The following FSTL4 variants were observed in gnomAD, a reference collection of about 807,000 sequenced individuals.
FSTL4 encodes the protein follistatin like 4, also known as follistatin-related protein 4.
In FSTL4, 28 loss-of-function variants were observed where a neutral mutation model predicts 78.2. The ratio of observed to expected loss-of-function variants is 0.36; its 90% CI spans 0.27 to 0.49. The LOEUF (loss-of-function observed/expected upper bound fraction) is 0.49, where lower values mean the gene tolerates loss of function less well. Ranked by LOEUF, FSTL4 falls within the 20% of genes least tolerant of loss-of-function variation. The pLI is 0.98. For synonymous variants in FSTL4, 422 were observed against 440.5 expected (o/e 0.96, Z 0.53); for missense variants, 922 against 1,084.9 (o/e 0.85, Z 2.11).
chr5:133,577,962 T>C (rs145001375), intron 2 of FSTL4, among the ~76,000 whole-genome samples: 2 of 152,296 alleles, frequency 1.3e-5, no homozygotes, highest in African/African-American at 4.8e-5. Flanking sequence ...GAAACAGAGA[T>C]AGCACAGCAA....
chr5:133,647,885 T>C, the FSTL4 span, among the ~76,000 whole-genome samples: 1 of 152,164 alleles, frequency 6.6e-6, no homozygotes, highest in East Asian at 1.9e-4. Flanking sequence ...TTCCCACGTG[T>C]TGTGGGAGGG....
At chr5:133,760,853 G>A in the FSTL4 span, among the ~76,000 whole-genome samples, 2 of 152,222 alleles carry the variant, frequency 1.3e-5, no homozygotes, top group Non-Finnish European at 2.9e-5. Flanking sequence ...TGGTGTGTTA[G>A]CAAACCAGAA....
chr5:133,329,299 C>A (rs56366126), intron 4 of FSTL4, among the ~76,000 whole-genome samples: 3 of 152,198 alleles, frequency 2.0e-5, no homozygotes, highest in East Asian at 3.9e-4. Context: ...GGGGTCCTAG[C>A]GATCCTGACC....
At position 133,316,539 on chromosome 5, in the gene FSTL4, T is replaced by G; in HGVS notation, c.523A>C (p.Lys175Gln). The G allele has an allele frequency of 6.2e-7, 1 of 1,614,116 alleles. No individual in the cohort carries two copies. Among genetic ancestry groups the G allele is most frequent in the South Asian group, 1.1e-5 (1 of 91,082 alleles). The change falls in exon 5 of 16, where the codon AAG becomes CAG. Residue 175 changes from lysine to glutamine, a missense_variant. Transcript: ENST00000265342. ...AACAGAGATTCCACCAGGAGGCGCT[T>G]CTGGGAGGCAGGGTCTTGTCTGCTG... ...GDSRQDPASQ[K>Q]RLLVESLFRD...
intron 11 of FSTL4, among the ~76,000 whole-genome samples, chr5:133,221,431 T>G (rs1240188667): frequency 1.6e-5 from 2 of 128,810 alleles, no homozygotes; most frequent in Non-Finnish European, 3.2e-5. Context: ...CCACCGTTTC[T>G]CTGGCAGCCC....
the FSTL4 span, among the ~76,000 whole-genome samples, chr5:133,767,023 C>G: frequency 7.2e-5 from 11 of 152,146 alleles, no homozygotes; most frequent in African/African-American, 2.7e-4. Flanking sequence ...GGTGAGGAGA[C>G]AGAGTAGGAA....
the FSTL4 span, among the ~76,000 whole-genome samples, chr5:133,742,720 T>G: frequency 0.029 from 4,391 of 152,192 alleles, 227 homozygotes; most frequent in African/African-American, 0.1. Flanking sequence ...TGTTTCCTCC[T>G]CTGGAGGCTG....
intron 3 of FSTL4, among the ~76,000 whole-genome samples, chr5:133,407,316 CCTG>C (rs747326956): frequency 6.6e-6 from 1 of 152,236 alleles, no homozygotes; most frequent in Non-Finnish European, 1.5e-5. Flanking sequence ...TGTCTCCTCT[CCTG>C]CTATTTTGCC....
At chr5:133,746,972 T>A in the FSTL4 span, among the ~76,000 whole-genome samples, 10 of 152,108 alleles carry the variant, frequency 6.6e-5, no homozygotes, top group African/African-American at 2.2e-4. Context: ...GGCCCAGGCA[T>A]CCTGACGGGC....
chr5:133,328,652 T>G (rs1754272040), intron 4 of FSTL4, among the ~76,000 whole-genome samples: 1 of 152,212 alleles, frequency 6.6e-6, no homozygotes, highest in Non-Finnish European at 1.5e-5. Flanking sequence ...CAGCTTCTTA[T>G]GAACTCCGGC....
chr5:133,741,120 CCCCACCAACAA>C, the FSTL4 span, among the ~76,000 whole-genome samples: 1 of 152,048 alleles, frequency 6.6e-6, no homozygotes, highest in Non-Finnish European at 1.5e-5. Flanking sequence ...TAGAAGACAC[CCCCACCAACAA>C]CTGCTAATAG....
rs113581552 is a variant in FSTL4 at position 133,435,474 on chromosome 5, G to A, written c.161-34488C>T. Among the ~76,000 whole-genome samples, 430 of 152,290 alleles carry A rather than the reference G, an allele frequency of 2.8e-3. 3 individuals are homozygous for A. Among genetic ancestry groups the A allele is most frequent in the African/African-American group, 9.7e-3 (402 of 41,552 alleles). On this transcript the variant is annotated intron_variant, in intron 3 of 15. Coordinates refer to ENST00000265342, the MANE Select transcript of FSTL4 (RefSeq NM_015082.2). ...TTTTCTTGTTATGTTTATTAATGTC[G>A]TGTAAGAGCGTTTTGGGACAAGTGC...
At chr5:133,666,330 C>T in the FSTL4 span, among the ~76,000 whole-genome samples, 5 of 152,046 alleles carry the variant, frequency 3.3e-5, no homozygotes, top group African/African-American at 1.2e-4. Context: ...TTAAAAAAAT[C>T]TATTTGGAAG....
chr5:133,500,680 A>G (rs1758475480), intron 3 of FSTL4, among the ~76,000 whole-genome samples: 1 of 152,246 alleles, frequency 6.6e-6, no homozygotes, highest in East Asian at 1.9e-4. Flanking sequence ...GTCATGTCAA[A>G]AAAAATTAAA....
intron 4 of FSTL4, among the ~76,000 whole-genome samples, chr5:133,353,756 C>A (rs1754881156): frequency 6.6e-6 from 1 of 152,228 alleles, no homozygotes; most frequent in Non-Finnish European, 1.5e-5. Context: ...TCTGAAATAA[C>A]AACCCCAGAA....
chr5:133,430,269 T>C (rs1276475164), intron 3 of FSTL4, among the ~76,000 whole-genome samples: 7 of 152,244 alleles, frequency 4.6e-5, no homozygotes. Flanking sequence ...TGGAGCTTGC[T>C]GCTCCCCTGA....
At chr5:133,646,761 T>C in the FSTL4 span, among the ~76,000 whole-genome samples, 30 of 152,230 alleles carry the variant, frequency 2.0e-4, no homozygotes, top group South Asian at 4.2e-4. Flanking sequence ...TAACTGGGTG[T>C]ATGTGGTGCC....
chr5:133,830,291 T>G, the FSTL4 span, among the ~76,000 whole-genome samples: 1 of 152,192 alleles, frequency 6.6e-6, no homozygotes, highest in African/African-American at 2.4e-5. Context: ...GGGCCATAAA[T>G]CTGGATGTGC....
At chr5:133,224,159 A>C in intron 11 of FSTL4, 31 bp downstream of exon 11, 1 of 1,595,676 alleles carries the variant, frequency 6.3e-7, no homozygotes, top group Non-Finnish European at 8.6e-7. Context: ...ACGTGATCAC[A>C]GGCATGACGC....
Sources: allele counts gnomAD v4.1 joint callset (sites outside exome capture counted in the v4.1 genomes callset), GRCh38; gene constraint gnomAD v4.1.1; transcripts MANE v1.5; gene names NCBI Gene and HGNC (gene_info 2026-07-23, HGNC 2026-07-21).